The following ASAP1 variants were observed in gnomAD, a reference collection of about 807,000 sequenced individuals.
ASAP1 encodes ArfGAP with SH3 domain, ankyrin repeat and PH domain 1, also known as arf-GAP with SH3 domain, ANK repeat and PH domain-containing protein 1.
ASAP1 carries 43 observed loss-of-function variants against 145.2 expected under a neutral mutation model. The observed-to-expected ratio is 0.30, with a 90% CI of 0.23 to 0.38. ASAP1 has a LOEUF of 0.38. Among genes scored for constraint, ASAP1 ranks in the 10% least tolerant of loss-of-function variants. The pLI is 1.00. For missense variants in ASAP1, 1,018 were observed against 1,355.3 expected (o/e 0.75, Z 3.91); for synonymous variants, 546 against 515.5 (o/e 1.06, Z -0.80).
At chr8:130,177,031 C>A (rs1814009130) in intron 9 of ASAP1, among the ~76,000 whole-genome samples, 1 of 152,146 alleles carries the variant, frequency 6.6e-6, no homozygotes, top group African/African-American at 2.4e-5. Context: ...CGTCACTGTC[C>A]AGCCCCATTA....
At chr8:130,246,409 C>A (rs1388729528) in intron 3 of ASAP1, among the ~76,000 whole-genome samples, 1 of 152,124 alleles carries the variant, frequency 6.6e-6, no homozygotes, top group Admixed American at 6.5e-5. Context: ...GAACTGTAAT[C>A]CCCACATGTC....
chr8:130,166,497 C>T (rs760659401), intron 11 of ASAP1, among the ~76,000 whole-genome samples: 1 of 152,112 alleles, frequency 6.6e-6, no homozygotes, highest in African/African-American at 2.4e-5. Flanking sequence ...CCATCCTGCC[C>T]CAAAATGTCT....
intron 2 of ASAP1, among the ~76,000 whole-genome samples, chr8:130,376,410 G>A (rs981570928): frequency 1.3e-5 from 2 of 149,904 alleles, no homozygotes; most frequent in African/African-American, 5.0e-5. Flanking sequence ...GAAGAGCATG[G>A]CATTTATACT....
At chr8:130,389,851 C>T (rs1828192160) in intron 2 of ASAP1, among the ~76,000 whole-genome samples, 1 of 152,144 alleles carries the variant, frequency 6.6e-6, no homozygotes, top group Non-Finnish European at 1.5e-5. Flanking sequence ...TAGGTGTGTG[C>T]TACTATGCCC....
intron 1 of ASAP1, among the ~76,000 whole-genome samples, chr8:130,413,057 T>C (rs1424766714): frequency 6.6e-6 from 1 of 152,212 alleles, no homozygotes; most frequent in Non-Finnish European, 1.5e-5. Flanking sequence ...AGGCAACAGG[T>C]ATTGCTGTTT....
intron 3 of ASAP1, among the ~76,000 whole-genome samples, chr8:130,335,708 C>T (rs1483534530): frequency 6.6e-6 from 1 of 152,146 alleles, no homozygotes; most frequent in Non-Finnish European, 1.5e-5. Flanking sequence ...GCTGTGTCTC[C>T]CACACCACCC....
chr8:130,341,865 G>A (rs775014050), intron 3 of ASAP1, among the ~76,000 whole-genome samples: 5 of 152,130 alleles, frequency 3.3e-5, no homozygotes, highest in Admixed American at 2.6e-4. Flanking sequence ...AGCAAGAAAC[G>A]AGAGTCAAAC....
intron 25 of ASAP1, among the ~76,000 whole-genome samples, chr8:130,086,817 AAGG>A (rs2097494376): frequency 6.6e-6 from 1 of 152,148 alleles, no homozygotes; most frequent in African/African-American, 2.4e-5. Context: ...AACAAAGAAA[AAGG>A]AGTTTATGAA....
intron 27 of ASAP1, among the ~76,000 whole-genome samples, chr8:130,068,282 G>A (rs942506200): frequency 8.5e-5 from 13 of 152,216 alleles, no homozygotes; most frequent in Admixed American, 7.2e-4. Flanking sequence ...AAGCTCAGAT[G>A]TGGGTCTGCC....
At chr8:130,320,284 A>G (rs1823918192) in intron 3 of ASAP1, among the ~76,000 whole-genome samples, 1 of 152,192 alleles carries the variant, frequency 6.6e-6, no homozygotes, top group African/African-American at 2.4e-5. Context: ...GGCCAGGAAC[A>G]GTGGCTGTCG....
chr8:130,351,346 T>C (rs1335689968), intron 3 of ASAP1, among the ~76,000 whole-genome samples: 1 of 152,234 alleles, frequency 6.6e-6, no homozygotes, highest in Admixed American at 6.5e-5. Flanking sequence ...TGAGCCTTTA[T>C]GTATTCATAT....
chr8:130,183,926 C>T (rs1814540740), intron 7 of ASAP1, among the ~76,000 whole-genome samples: 1 of 152,066 alleles, frequency 6.6e-6, no homozygotes, highest in Non-Finnish European at 1.5e-5. Flanking sequence ...GGGATGTCTC[C>T]AGGAAAGAAG....
chr8:130,079,143 T>G (rs1453077468), intron 26 of ASAP1, among the ~76,000 whole-genome samples: 4 of 152,172 alleles, frequency 2.6e-5, no homozygotes, highest in Non-Finnish European at 5.9e-5. Flanking sequence ...TACAGTGAGC[T>G]GTGCTCATAC....
chr8:130,055,681 A>C (rs1201799447), intron 29 of ASAP1, among the ~76,000 whole-genome samples: 1 of 152,208 alleles, frequency 6.6e-6, no homozygotes, highest in Non-Finnish European at 1.5e-5. Flanking sequence ...TACCTGTAAA[A>C]ATTTTCTAAT....
chr8:130,220,252 A>C (rs979962215), intron 4 of ASAP1, among the ~76,000 whole-genome samples: 2 of 152,210 alleles, frequency 1.3e-5, no homozygotes, highest in African/African-American at 4.8e-5. Flanking sequence ...AATATAAACT[A>C]ATCACTGATT....
chr8:130,246,375 G>A (rs1818854904), intron 3 of ASAP1, among the ~76,000 whole-genome samples: 1 of 152,184 alleles, frequency 6.6e-6, no homozygotes, highest in Non-Finnish European at 1.5e-5. Context: ...GTTTGGCTCT[G>A]TGTCCCCACT....
intron 7 of ASAP1, among the ~76,000 whole-genome samples, chr8:130,182,097 A>C (rs1361985754): frequency 6.6e-6 from 1 of 152,254 alleles, no homozygotes; most frequent in Admixed American, 6.5e-5. Context: ...AAGAGGCATA[A>C]CAGGGATTTT....
chr8:130,198,569 A>T (rs891200967), intron 5 of ASAP1, among the ~76,000 whole-genome samples: 3 of 152,186 alleles, frequency 2.0e-5, no homozygotes, highest in African/African-American at 7.2e-5. Context: ...GAACAGCATG[A>T]ATTTTATTTA....
chr8:130,374,950 C>A (rs1021541935), intron 2 of ASAP1, among the ~76,000 whole-genome samples: 3 of 152,198 alleles, frequency 2.0e-5, no homozygotes, highest in Non-Finnish European at 4.4e-5. Flanking sequence ...CAAAAAGAAT[C>A]ATTTGTGGGC....
Sources: allele counts gnomAD v4.1 joint callset (sites outside exome capture counted in the v4.1 genomes callset), GRCh38; gene constraint gnomAD v4.1.1; transcripts MANE v1.5; gene names NCBI Gene and HGNC (gene_info 2026-07-23, HGNC 2026-07-21).